Variants in LDLRAD4 observed in about 807,000 individuals in gnomAD.
The protein encoded by LDLRAD4 is low density lipoprotein receptor class A domain containing 4, also known as low-density lipoprotein receptor class A domain-containing protein 4.
A neutral mutation model predicts 17.0 loss-of-function variants in LDLRAD4; 5 were observed. The observed-to-expected ratio is 0.29, with a 90% CI of 0.15 to 0.62. The LOEUF (loss-of-function observed/expected upper bound fraction) is 0.62, where lower values mean the gene tolerates loss of function less well. Among genes scored for constraint, LDLRAD4 ranks in the 20% least tolerant of loss-of-function variants. The probability of loss-of-function intolerance (pLI) is 0.84; values close to 1 mark genes in which losing one functional copy is unlikely to be tolerated. For missense variants in LDLRAD4, 340 were observed against 424.7 expected, an observed-to-expected ratio of 0.80 and a Z score of 1.75; for synonymous variants, 168 against 171.8, an observed-to-expected ratio of 0.98 and a Z score of 0.17.
chr18:13,628,605 C>A (rs533609147), intron 4 of LDLRAD4, among the ~76,000 whole-genome samples: 83 of 152,346 alleles, frequency 5.4e-4, no homozygotes, highest in Admixed American at 1.8e-3. Flanking sequence ...AATTTCACAT[C>A]ACCTCAAAAT....
At chr18:13,283,094 C>T (rs528131698) in intron 1 of LDLRAD4, among the ~76,000 whole-genome samples, 9 of 152,286 alleles carry the variant, frequency 5.9e-5, no homozygotes, top group African/African-American at 1.9e-4. Context: ...AGCACGGGGA[C>T]CCTGGGCCCA....
rs71174169 is a variant in LDLRAD4 at position 13,386,891 on chromosome 18, C to CATAG, written c.-382-395_-382-392dup. Among the ~76,000 whole-genome samples the CATAG allele has an allele frequency of 5.6e-3, 821 of 146,902 alleles. 3 individuals carry two copies. Among genetic ancestry groups the CATAG allele is most frequent in the East Asian group, 7.3e-3 (34 of 4,666 alleles). On this transcript the variant is annotated intron_variant, in intron 1 of 5. Coordinates refer to ENST00000359446, the Ensembl canonical transcript of LDLRAD4. ...GGCGGCTTAGTGAGACCCTGTCATTCATAGATAGATAGATAGATAGATAGA... is the reference window on the plus strand; with the variant it reads ...GGCGGCTTAGTGAGACCCTGTCATTCATAGATAGATAGATAGATAGATAGATAGA...
At chr18:13,417,910 A>G (rs1191654532) in intron 2 of LDLRAD4, among the ~76,000 whole-genome samples, 1 of 152,168 alleles carries the variant, frequency 6.6e-6, no homozygotes, top group Non-Finnish European at 1.5e-5. Context: ...ACATTTTGCC[A>G]TATGAAAACC....
At chr18:13,626,101 T>G (rs1466875494) in intron 4 of LDLRAD4, among the ~76,000 whole-genome samples, 1 of 151,926 alleles carries the variant, frequency 6.6e-6, no homozygotes, top group Non-Finnish European at 1.5e-5. Flanking sequence ...AACTCAGGTG[T>G]GAATTACATC....
intron 3 of LDLRAD4, among the ~76,000 whole-genome samples, chr18:13,528,982 G>T (rs1785180): frequency 0.29 from 44,293 of 152,236 alleles, 7,242 homozygotes; most frequent in Admixed American, 0.4. Context: ...CTCGGCCGTG[G>T]TTCTAGCTTC....
chr18:13,642,358 C>G (rs1013230780), intron 4 of LDLRAD4: 3 of 1,015,632 alleles, frequency 3.0e-6, no homozygotes, highest in Admixed American at 5.8e-5. Flanking sequence ...GCGGACCCTG[C>G]TGACAGCCAC....
intron 2 of LDLRAD4, among the ~76,000 whole-genome samples, chr18:13,408,587 C>T (rs187672065): frequency 6.6e-6 from 1 of 152,126 alleles, no homozygotes; most frequent in African/African-American, 2.4e-5. Context: ...ATTCTCCTGC[C>T]TCAGCCTCCC....
At chr18:13,460,337 C>T (rs998050330) in intron 3 of LDLRAD4, among the ~76,000 whole-genome samples, 1 of 152,058 alleles carries the variant, frequency 6.6e-6, no homozygotes, top group Non-Finnish European at 1.5e-5. Flanking sequence ...GAACTACAGG[C>T]ACACGCCACC....
At chr18:13,482,244 C>T (rs187945470) in intron 3 of LDLRAD4, among the ~76,000 whole-genome samples, 73 of 152,308 alleles carry the variant, frequency 4.8e-4, no homozygotes, top group African/African-American at 6.3e-4. Context: ...ACGGTTGCCT[C>T]TGAACCCGCT....
At chr18:13,553,437 G>T (rs2094454117) in intron 3 of LDLRAD4, among the ~76,000 whole-genome samples, 1 of 152,180 alleles carries the variant, frequency 6.6e-6, no homozygotes, top group African/African-American at 2.4e-5. Context: ...AAATATGTCT[G>T]TAAACCGCCT....
chr18:13,452,374 G>A (rs1222574728), intron 3 of LDLRAD4, among the ~76,000 whole-genome samples: 4 of 152,128 alleles, frequency 2.6e-5, no homozygotes, highest in Non-Finnish European at 4.4e-5. Context: ...GGAGGGGGGC[G>A]AGGAGGAGTC....
intron 3 of LDLRAD4, among the ~76,000 whole-genome samples, chr18:13,588,358 A>G (rs993657576): frequency 6.6e-6 from 1 of 152,216 alleles, no homozygotes; most frequent in African/African-American, 2.4e-5. Flanking sequence ...TTTTTTACAC[A>G]GAGATTTATA....
At chr18:13,293,024 A>G (rs1365337526) in intron 1 of LDLRAD4, among the ~76,000 whole-genome samples, 2 of 152,258 alleles carry the variant, frequency 1.3e-5, no homozygotes, top group Non-Finnish European at 2.9e-5. Context: ...ACCACGTCCC[A>G]GGAATGCTGT....
At chr18:13,540,692 G>A (rs976802241) in intron 3 of LDLRAD4, among the ~76,000 whole-genome samples, 3 of 152,194 alleles carry the variant, frequency 2.0e-5, no homozygotes, top group Non-Finnish European at 4.4e-5. Context: ...AATTGCTTCC[G>A]ATTATAATGA....
chr18:13,630,885 A>G (rs1400050153), intron 4 of LDLRAD4, among the ~76,000 whole-genome samples: 2 of 152,202 alleles, frequency 1.3e-5, no homozygotes, highest in African/African-American at 2.4e-5. Flanking sequence ...ACCCACTTAA[A>G]TGGATTTTCC....
At chr18:13,317,968 C>T (rs1386117569) in intron 1 of LDLRAD4, among the ~76,000 whole-genome samples, 2 of 152,154 alleles carry the variant, frequency 1.3e-5, no homozygotes, top group Non-Finnish European at 1.5e-5. Context: ...TCAGTGTACA[C>T]AGTTGAATTT....
intron 3 of LDLRAD4, among the ~76,000 whole-genome samples, chr18:13,519,369 G>T (rs8088361): frequency 0.31 from 47,672 of 151,948 alleles, 7,938 homozygotes; most frequent in Middle Eastern, 0.5. Context: ...GGGAGCTGGG[G>T]TCAGCTCTTT....
chr18:13,311,594 G>T (rs2047237943), intron 1 of LDLRAD4, among the ~76,000 whole-genome samples: 1 of 152,210 alleles, frequency 6.6e-6, no homozygotes, highest in African/African-American at 2.4e-5. Flanking sequence ...ATTTCGTAGA[G>T]GTCTTTAAAT....
intron 3 of LDLRAD4, among the ~76,000 whole-genome samples, chr18:13,445,444 TGTGTATGCAG>T (rs1436074123): frequency 1.3e-5 from 2 of 150,374 alleles, no homozygotes; most frequent in Non-Finnish European, 3.0e-5. Context: ...ATGGGTGGAG[TGTGTATGCAG>T]GTGTATGAAT....
Sources: allele counts gnomAD v4.1 joint callset (sites outside exome capture counted in the v4.1 genomes callset), GRCh38; gene constraint gnomAD v4.1.1; transcripts MANE v1.5; gene names NCBI Gene and HGNC (gene_info 2026-07-23, HGNC 2026-07-21).